PDE7B: variants seen among roughly 807,000 people sequenced by gnomAD.
The protein encoded by PDE7B is 3',5'-cyclic-AMP phosphodiesterase 7B.
In PDE7B, 29 loss-of-function variants were observed where a neutral mutation model predicts 56.2. The ratio of observed to expected loss-of-function variants is 0.52; its 90% CI spans 0.38 to 0.70. PDE7B has a LOEUF of 0.70. Ranked by LOEUF, PDE7B falls within the 30% of genes least tolerant of loss-of-function variation. PDE7B has a pLI of 0.00. For missense variants in PDE7B, 490 were observed against 565.0 expected (o/e 0.87, Z 1.35); for synonymous variants, 197 against 196.9 (o/e 1.00, Z 0.00).
chr6:136,136,350 T>A (rs6910917), intron 3 of PDE7B, among the ~76,000 whole-genome samples: 12,985 of 152,080 alleles, frequency 0.085, 1,883 homozygotes, highest in African/African-American at 0.3. Flanking sequence ...ACCTACAACC[T>A]GCAGGACTTT....
chr6:135,967,221 A>AC (rs1166240480), intron 2 of PDE7B, among the ~76,000 whole-genome samples: 1 of 152,168 alleles, frequency 6.6e-6, no homozygotes, highest in Non-Finnish European at 1.5e-5. Flanking sequence ...CAGATTGTAC[A>AC]CCATAATCTC....
intron 2 of PDE7B, among the ~76,000 whole-genome samples, chr6:135,975,289 T>A (rs1775166022): frequency 6.6e-6 from 1 of 152,158 alleles, no homozygotes; most frequent in South Asian, 2.1e-4. Context: ...ACTTTGCAAC[T>A]TACACTTTAG....
chr6:135,858,420 T>C (rs1300929077), intron 1 of PDE7B, among the ~76,000 whole-genome samples: 1 of 152,224 alleles, frequency 6.6e-6, no homozygotes, highest in African/African-American at 2.4e-5. Context: ...CCCAAAGTGC[T>C]GGTATTGCAG....
At chr6:135,853,158 G>C (rs187716898) in intron 1 of PDE7B, among the ~76,000 whole-genome samples, 1 of 152,222 alleles carries the variant, frequency 6.6e-6, no homozygotes, top group East Asian at 1.9e-4. Context: ...TCCTTACCCT[G>C]TTCCAAAATT....
rs576465570 is a variant in PDE7B at position 135,859,961 on chromosome 6, A to G, written c.21+7942A>G. ...AGGATTCCATTTTTTTTCCAGGAGC[A>G]TTGAACTTGTAACCTAAAGCCCCGA... On this transcript the variant is annotated intron_variant, in intron 1 of 12. Coordinates refer to ENST00000308191, the MANE Select transcript of PDE7B (RefSeq NM_018945.4). Among the ~76,000 whole-genome samples, 20 of 152,174 alleles carry G rather than the reference A, an allele frequency of 1.3e-4. No individual in the cohort carries two copies. In the South Asian group the frequency reaches 3.7e-3, roughly 28 times the overall value.
intron 2 of PDE7B, among the ~76,000 whole-genome samples, chr6:135,966,290 C>A (rs1024690126): frequency 2.0e-5 from 3 of 152,112 alleles, no homozygotes; most frequent in African/African-American, 7.2e-5. Flanking sequence ...GGGCTACCTC[C>A]GCTTCTGTTT....
intron 3 of PDE7B, among the ~76,000 whole-genome samples, chr6:136,109,849 G>A (rs1441885211): frequency 2.6e-5 from 4 of 152,166 alleles, no homozygotes; most frequent in Non-Finnish European, 5.9e-5. Context: ...TTCACAATTT[G>A]CTCCAAGGTT....
chr6:135,926,338 T>C (rs914667047), intron 1 of PDE7B, among the ~76,000 whole-genome samples: 23 of 152,148 alleles, frequency 1.5e-4, no homozygotes, highest in Non-Finnish European at 2.6e-4. Flanking sequence ...CTGCCCACCT[T>C]GGCCTCCCAA....
intron 11 of PDE7B, 105 bp downstream of exon 11, chr6:136,181,428 A>G (rs1031138111): frequency 1.6e-5 from 12 of 747,930 alleles, no homozygotes; most frequent in Non-Finnish European, 2.6e-5. Context: ...TTGTTCTCTC[A>G]TCAACTCTTG....
chr6:136,187,108 T>C lies in PDE7B; in HGVS notation c.1118T>C (p.Ile373Thr), dbSNP rs1779157212. The change falls in exon 12 of 13, where the codon ATA becomes ACA. Residue 373 changes from isoleucine to threonine, a missense_variant. Coordinates refer to ENST00000308191, the MANE Select transcript of PDE7B (RefSeq NM_018945.4). ...CAACAGAAAGATTCCATCCCTAGTA[T>C]ACAAATTGGTGAGTTGAATTCAGTG... The part of the protein sequence containing the change: ...CNQQKDSIPS[I>T]QIGFMSYIVE... 1 of 1,516,750 alleles carries C rather than the reference T, an allele frequency of 6.6e-7. No homozygotes were observed. Among genetic ancestry groups the C allele is most frequent in the Non-Finnish European group, 9.1e-7 (1 of 1,094,030 alleles). The allele number at this position is 1,516,750 out of a possible 1,614,324, so 94.0% of individuals were successfully genotyped here.
chr6:136,131,415 TA>T (rs1778114444), intron 3 of PDE7B, among the ~76,000 whole-genome samples: 1 of 150,620 alleles, frequency 6.6e-6, no homozygotes, highest in South Asian at 2.1e-4. Flanking sequence ...TCCCTTCAGG[TA>T]AAATTTCAGG....
chr6:136,002,409 T>C (rs9402780), intron 2 of PDE7B, among the ~76,000 whole-genome samples: 47,230 of 151,952 alleles, frequency 0.31, 8,168 homozygotes, highest in East Asian at 0.45. Flanking sequence ...GACTGAGAAA[T>C]TGGATAAAGA....
intron 2 of PDE7B, among the ~76,000 whole-genome samples, chr6:135,952,676 G>A (rs1174762395): frequency 2.6e-5 from 4 of 152,114 alleles, no homozygotes; most frequent in African/African-American, 7.2e-5. Context: ...AGTTGAGAAC[G>A]TGGCAGCACT....
intron 12 of PDE7B, among the ~76,000 whole-genome samples, chr6:136,191,037 T>TTTTTTTTAA (rs1471563191): frequency 1.6e-4 from 23 of 143,206 alleles, no homozygotes; most frequent in African/African-American, 6.3e-4. Context: ...TTTTTTTTTT[T>TTTTTTTTAA]ACTTATATGT....
chr6:136,003,249 T>C (rs951530969), intron 2 of PDE7B, among the ~76,000 whole-genome samples: 39 of 151,218 alleles, frequency 2.6e-4, no homozygotes, highest in African/African-American at 8.5e-4. Flanking sequence ...AGAGAAAGCA[T>C]GAAAGATCCA....
At chr6:136,188,087 A>C (rs1779169115) in intron 12 of PDE7B, among the ~76,000 whole-genome samples, 1 of 152,178 alleles carries the variant, frequency 6.6e-6, no homozygotes, top group Admixed American at 6.5e-5. Flanking sequence ...ATAAGCTGAA[A>C]ATTAAGAAAA....
chr6:135,869,670 A>G (rs1183337414), intron 1 of PDE7B, among the ~76,000 whole-genome samples: 1 of 152,186 alleles, frequency 6.6e-6, no homozygotes, highest in Admixed American at 6.5e-5. Flanking sequence ...AGTAAGACAA[A>G]GTAATGAGAC....
rs544965133 is a variant in PDE7B, at chr6:136,150,351, G to A, written c.383-809G>A. The stretch of plus-strand genomic sequence containing the variant: ...AGTTTCATAGTTTCAGGTCTCATGT[G>A]TAAGTCTTAAATTCATTTAGTGTTG... On this transcript the variant is annotated intron_variant, in intron 5 of 12. Transcript: ENST00000308191. 3.4e-4 allele frequency among the ~76,000 whole-genome samples: 52 copies of A among 152,266 alleles called. No individual in the cohort carries two copies. In the South Asian group the frequency reaches 4.6e-3, roughly 13 times the overall value.
At chr6:136,131,392 C>T (rs1457764744) in intron 3 of PDE7B, among the ~76,000 whole-genome samples, 2 of 151,578 alleles carry the variant, frequency 1.3e-5, no homozygotes. Context: ...CACCATGACT[C>T]TATCAACAGA....
Sources: allele counts gnomAD v4.1 joint callset (sites outside exome capture counted in the v4.1 genomes callset), GRCh38; gene constraint gnomAD v4.1.1; transcripts MANE v1.5; gene names NCBI Gene and HGNC (gene_info 2026-07-23, HGNC 2026-07-21).